The following MORC3 variants were observed in gnomAD, a reference collection of about 807,000 sequenced individuals.
The protein encoded by MORC3 is MORC family CW-type zinc finger 3.
A neutral mutation model predicts 109.1 loss-of-function variants in MORC3; 31 were observed. The observed-to-expected ratio is 0.28, with a 90% CI of 0.21 to 0.38. The LOEUF (loss-of-function observed/expected upper bound fraction) is 0.38, where lower values mean the gene tolerates loss of function less well. Among genes scored for constraint, MORC3 ranks in the 10% least tolerant of loss-of-function variants. MORC3 has a pLI of 1.00. For missense variants in MORC3, 867 were observed against 1,135.8 expected (o/e 0.76, Z 3.40); for synonymous variants, 395 against 380.7 (o/e 1.04, Z -0.44).
At chr21:36,364,293 A>G in intron 14 of MORC3, 34 bp downstream of exon 14, 2 of 1,598,054 alleles carry the variant, frequency 1.3e-6, no homozygotes, top group South Asian at 1.1e-5. Context: ...CATTTGGGGA[A>G]TATTAAACAG....
intron 12 of MORC3, chr21:36,360,745 C>A: frequency 6.0e-6 from 1 of 167,822 alleles, no homozygotes; most frequent in Non-Finnish European, 1.3e-5. Flanking sequence ...AGGATGGGTA[C>A]GATGAGAATG....
intron 9 of MORC3, among the ~76,000 whole-genome samples, chr21:36,351,503 C>T (rs2085572258): frequency 6.6e-6 from 1 of 152,166 alleles, no homozygotes; most frequent in Non-Finnish European, 1.5e-5. Flanking sequence ...TTTTTTAGCT[C>T]TCAGATATGG....
At chr21:36,351,030 A>G (rs1422163670) in intron 9 of MORC3, among the ~76,000 whole-genome samples, 1 of 124,948 alleles carries the variant, frequency 8.0e-6, no homozygotes. Context: ...TATATATAAG[A>G]TGTTATTGTT....
chr21:36,356,404 ACT>A (rs891072955), intron 9 of MORC3, among the ~76,000 whole-genome samples: 3 of 151,988 alleles, frequency 2.0e-5, no homozygotes, highest in Non-Finnish European at 2.9e-5. Context: ...AATTGTTATA[ACT>A]CTCTAAAAAA....
At chr21:36,366,878 C>T (rs1456818317) in intron 14 of MORC3, among the ~76,000 whole-genome samples, 2 of 152,104 alleles carry the variant, frequency 1.3e-5, no homozygotes, top group African/African-American at 4.8e-5. Flanking sequence ...AGAGTAACTC[C>T]AAATTAAACA....
intron 8 of MORC3, among the ~76,000 whole-genome samples, chr21:36,346,913 GGA>G (rs1348531182): frequency 6.6e-6 from 1 of 151,820 alleles, no homozygotes; most frequent in Admixed American, 6.6e-5. Context: ...GGCTGAGGTG[GGA>G]GAGTGCTTGA....
chr21:36,362,279 A>G (rs1179051269), intron 13 of MORC3, 51 bp downstream of exon 13: 2 of 1,545,600 alleles, frequency 1.3e-6, no homozygotes, highest in African/African-American at 1.4e-5. Flanking sequence ...ATGGGGGCTG[A>G]CACCCGTAAT....
chr21:36,337,657 G>C (rs2085389111), intron 3 of MORC3, 75 bp from the exon 4 acceptor site: 5 of 1,038,824 alleles, frequency 4.8e-6, no homozygotes, highest in Non-Finnish European at 6.6e-6. Context: ...TAAAAAAAAA[G>C]ATTATAGGTA....
chr21:36,359,556 C>CTTTTTT (rs5843757), intron 10 of MORC3, among the ~76,000 whole-genome samples: 37 of 93,936 alleles, frequency 3.9e-4, no homozygotes, highest in Non-Finnish European at 6.4e-4. Flanking sequence ...CTTTCCTCTC[C>CTTTTTT]TTTTTTTTTT....
intron 1 of MORC3, among the ~76,000 whole-genome samples, chr21:36,331,471 A>C (rs1294577715): frequency 1.3e-5 from 2 of 151,742 alleles, no homozygotes; most frequent in African/African-American, 4.8e-5. Flanking sequence ...GGTGGTGGGC[A>C]CCTGTAGTCC....
At chr21:36,354,080 G>A (rs1247147325) in intron 9 of MORC3, among the ~76,000 whole-genome samples, 2 of 148,232 alleles carry the variant, frequency 1.3e-5, no homozygotes, top group African/African-American at 5.0e-5. Context: ...CAAAAAAAAA[G>A]AAGAAAACCA....
chr21:36,363,146 G>A (rs1460754366), intron 13 of MORC3, among the ~76,000 whole-genome samples: 1 of 152,132 alleles, frequency 6.6e-6, no homozygotes, highest in Non-Finnish European at 1.5e-5. Context: ...GTTTTTAGCC[G>A]TGGTGGCTCA....
At chr21:36,333,784 G>GT (rs1224858003) in intron 2 of MORC3, 66 bp downstream of exon 2, 249 of 1,258,432 alleles carry the variant, frequency 2.0e-4, no homozygotes, top group South Asian at 3.0e-4. Context: ...TTTTTGTTTT[G>GT]TTTTGTTTTT....
At chr21:36,353,728 C>G (rs1012786572) in intron 9 of MORC3, among the ~76,000 whole-genome samples, 1 of 146,064 alleles carries the variant, frequency 6.8e-6, no homozygotes, top group South Asian at 2.2e-4. Context: ...TTACAGGCAC[C>G]TGCCACCAAG....
intron 1 of MORC3, among the ~76,000 whole-genome samples, chr21:36,329,573 A>G (rs1254004056): frequency 6.6e-6 from 1 of 152,188 alleles, no homozygotes; most frequent in Non-Finnish European, 1.5e-5. Flanking sequence ...AACCAAAAAT[A>G]AAATTCTAAG....
chr21:36,375,276 A>C lies in MORC3; in HGVS notation c.2800A>C (p.Ser934Arg). Residue 934 changes from serine to arginine, a missense_variant, in exon 17 of 17, where the codon AGT becomes CGT. By Grantham distance (110) the Ser-to-Arg change is moderately radical. Transcript: ENST00000400485. ...EILGQVVEQM[S>R]EISST ...TTTAGGACAAGTTGTTGAACAAATG[A>C]GTGAAATCAGTAGTACTTAAAGTAT... is the stretch of plus-strand genomic sequence containing the variant. 1 of 1,612,744 alleles carries C rather than the reference A, an allele frequency of 6.2e-7. No homozygotes were observed. The highest frequency in any genetic ancestry group is 8.5e-7 in the Non-Finnish European group (1 of 1,178,992).
intron 2 of MORC3, among the ~76,000 whole-genome samples, chr21:36,335,426 GT>G (rs1175019887): frequency 3.4e-5 from 5 of 147,666 alleles, no homozygotes; most frequent in Non-Finnish European, 7.4e-5. Context: ...TCAAGCACTT[GT>G]CCCTCAGCCT....
At chr21:36,370,629 ATATATATATATTTTTTTTTTTT>A (rs1468813091) in intron 15 of MORC3, among the ~76,000 whole-genome samples, 3 of 17,400 alleles carry the variant, frequency 1.7e-4, no homozygotes, top group African/African-American at 6.7e-4. Context: ...ATATATATAT[ATATATATATATTTTTTTTTTTT>A]TTTTTTTTTT....
At chr21:36,369,929 TAAG>T (rs1320307102) in intron 15 of MORC3, 53 bp downstream of exon 15, 5 of 1,566,804 alleles carry the variant, frequency 3.2e-6, no homozygotes, top group Non-Finnish European at 4.3e-6. Flanking sequence ...ATTTAAACCT[TAAG>T]AAGCTGCCAG....
Sources: gnomAD v4.1 joint callset for allele counts (sites outside exome capture counted in the v4.1 genomes callset) on GRCh38, gnomAD v4.1.1 for gene constraint, MANE v1.5 for transcripts, NCBI Gene and HGNC (gene_info 2026-07-23, HGNC 2026-07-21) for gene names.